MAP2K6: variants seen among roughly 807,000 people sequenced by gnomAD.
MAP2K6 encodes dual specificity mitogen-activated protein kinase kinase 6.
Under a neutral mutation model 53.7 loss-of-function variants are expected in MAP2K6, and 16 were observed. That is an observed-to-expected ratio of 0.30 (90% CI 0.20 to 0.45). MAP2K6 has a LOEUF of 0.45. MAP2K6 is among the 20% of genes least tolerant of loss of function. The pLI, the probability that MAP2K6 is intolerant of heterozygous loss-of-function variation, is 1.00. For missense variants in MAP2K6, 204 were observed against 411.9 expected, an observed-to-expected ratio of 0.50 and a Z score of 4.37; for synonymous variants, 132 against 143.1, an observed-to-expected ratio of 0.92 and a Z score of 0.55.
In MAP2K6 at chr17:69,496,179, A is replaced by ACC. The variant is rs1446225814; in HGVS notation, c.17-9600_17-9599insCC. Among the ~76,000 whole-genome samples the ACC allele has an allele frequency of 1.4e-4, 21 of 152,090 alleles. No individual in the cohort carries two copies. The South Asian group carries it at 3.3e-3, about 24-fold the overall frequency. ...GGGCCATTTCCCAATTAGCGGATGG[A>ACC]CAGGCTGGCTCATTCTTCTTTGACA... On this transcript the variant is annotated intron_variant, in intron 1 of 11. Transcript: ENST00000590474.
At chr17:69,465,061 G>T (rs1235787499) in intron 1 of MAP2K6, among the ~76,000 whole-genome samples, 1 of 151,794 alleles carries the variant, frequency 6.6e-6, no homozygotes, top group Non-Finnish European at 1.5e-5. Flanking sequence ...CATTTTTACA[G>T]ACCCCCACAG....
At chr17:69,540,031 C>T (rs1280144467) in intron 11 of MAP2K6, among the ~76,000 whole-genome samples, 3 of 152,152 alleles carry the variant, frequency 2.0e-5, no homozygotes, top group Admixed American at 6.5e-5. Flanking sequence ...GAGAAAATCT[C>T]TTTTCCATTT....
At chr17:69,474,427 C>T (rs1908072538) in intron 1 of MAP2K6, among the ~76,000 whole-genome samples, 1 of 152,202 alleles carries the variant, frequency 6.6e-6, no homozygotes, top group Non-Finnish European at 1.5e-5. Flanking sequence ...CACTTTTTGA[C>T]TGAGGTGGCT....
In MAP2K6 at chr17:69,553,504, G is replaced by A. The variant is rs1230878696; in HGVS notation, c.*11751G>A. 6 of 152,164 alleles carry A rather than the reference G, an allele frequency of 3.9e-5. No homozygotes were observed. Among genetic ancestry groups the A allele is most frequent in the South Asian group, 4.1e-4 (2 of 4,828 alleles). 9.4% of individuals were successfully genotyped at this position (152,164 alleles called of 1,614,324 possible). A position where few individuals can be genotyped will look rare whatever the true frequency, so the allele number is the denominator to read the frequency against. The stretch of plus-strand genomic sequence containing the variant: ...TCCTCTTTTAATGAGGAACTTTCAC[G>A]TTGACTTCCTATCTCAGGATATTCT... On this transcript the variant is annotated 3_prime_UTR_variant, in exon 12 of 12. Transcript: ENST00000590474.
chr17:69,466,370 C>T (rs1470410466), intron 1 of MAP2K6, among the ~76,000 whole-genome samples: 1 of 151,680 alleles, frequency 6.6e-6, no homozygotes, highest in Non-Finnish European at 1.5e-5. Context: ...TGTCCTTTAT[C>T]TTCCCTTCCT....
chr17:69,454,973 ATTTCAAAGACTTAGTGC>A (rs1323448096), intron 1 of MAP2K6, among the ~76,000 whole-genome samples: 2 of 152,084 alleles, frequency 1.3e-5, no homozygotes, highest in African/African-American at 4.8e-5. Context: ...AATAGGCTAA[ATTTCAAAGACTTAGTGC>A]TTTCTTTCCT....
At chr17:69,477,978 T>C (rs569785105) in intron 1 of MAP2K6, among the ~76,000 whole-genome samples, 18 of 152,270 alleles carry the variant, frequency 1.2e-4, no homozygotes, top group African/African-American at 4.1e-4. Context: ...GTGGTGTGCA[T>C]GTGTTACAGG....
intron 1 of MAP2K6, among the ~76,000 whole-genome samples, chr17:69,447,593 A>T (rs1907014778): frequency 6.6e-6 from 1 of 151,712 alleles, no homozygotes; most frequent in Admixed American, 6.6e-5. Flanking sequence ...TGATGTGCCC[A>T]TCTTGGCCTC....
intron 1 of MAP2K6, among the ~76,000 whole-genome samples, chr17:69,459,054 A>T (rs922403266): frequency 6.6e-6 from 1 of 152,170 alleles, no homozygotes; most frequent in Admixed American, 6.5e-5. Flanking sequence ...AGCCAGAGAG[A>T]AATTGGATCT....
chr17:69,514,179 T>G (rs1369999897), intron 2 of MAP2K6, among the ~76,000 whole-genome samples: 1 of 152,228 alleles, frequency 6.6e-6, no homozygotes, highest in Admixed American at 6.5e-5. Context: ...AGTCACATGT[T>G]TCAAGTCATA....
chr17:69,486,685 A>G (rs1294103395), intron 1 of MAP2K6, among the ~76,000 whole-genome samples: 1 of 152,218 alleles, frequency 6.6e-6, no homozygotes, highest in East Asian at 1.9e-4. Context: ...CTTTTCAAAT[A>G]GTCACTTCAG....
intron 3 of MAP2K6, 103 bp downstream of exon 3, chr17:69,517,006 C>CA (rs35800854): frequency 3.3e-6 from 3 of 914,112 alleles, no homozygotes; most frequent in Non-Finnish European, 5.1e-6. Context: ...GGGGATGAGT[C>CA]AAAAAAAGTT....
intron 11 of MAP2K6, among the ~76,000 whole-genome samples, chr17:69,540,986 G>A (rs1447238924): frequency 1.3e-5 from 2 of 152,108 alleles, no homozygotes; most frequent in African/African-American, 4.8e-5. Flanking sequence ...ACTGCTGGCC[G>A]GGCATGGTGG....
rs1157781490 is a variant in MAP2K6, at chr17:69,464,530, C to T, written c.17-41250C>T. Among the ~76,000 whole-genome samples, 4 of 151,854 alleles carry T rather than the reference C, an allele frequency of 2.6e-5. No individual in the cohort carries two copies. The East Asian group carries it at 5.8e-4, about 22-fold the overall frequency. ...TTGAGTAGCTGGGACTACAGGCGTGCGCCGCCACGCCTGGCTAATTTTTGT... is the reference window on the plus strand; with the variant it reads ...TTGAGTAGCTGGGACTACAGGCGTGTGCCGCCACGCCTGGCTAATTTTTGT... On this transcript the variant is annotated intron_variant, in intron 1 of 11. Coordinates refer to ENST00000590474, the MANE Select transcript of MAP2K6 (RefSeq NM_002758.4).
intron 1 of MAP2K6, among the ~76,000 whole-genome samples, chr17:69,489,631 G>A (rs1043937461): frequency 3.9e-5 from 6 of 152,206 alleles, no homozygotes; most frequent in Non-Finnish European, 7.3e-5. Context: ...TAAGGGTTAC[G>A]TGAGGATCTG....
At chr17:69,529,052 C>G (rs530134210) in intron 10 of MAP2K6, among the ~76,000 whole-genome samples, 1 of 152,040 alleles carries the variant, frequency 6.6e-6, no homozygotes, top group East Asian at 1.9e-4. Flanking sequence ...TTGGTAAGAA[C>G]GAGGCTGGTG....
At chr17:69,435,152 T>C (rs998971425) in intron 1 of MAP2K6, 5 of 152,190 alleles carry the variant, frequency 3.3e-5, no homozygotes, top group African/African-American at 1.2e-4. Flanking sequence ...AACTGACCCA[T>C]GTTTGTTTTC....
intron 1 of MAP2K6, among the ~76,000 whole-genome samples, chr17:69,429,296 A>T (rs1036966146): frequency 1.3e-4 from 19 of 151,912 alleles, no homozygotes; most frequent in African/African-American, 4.1e-4. Context: ...AAAAAAAAAA[A>T]AAAATTAGCC....
chr17:69,529,143 T>C (rs548270963), intron 10 of MAP2K6, among the ~76,000 whole-genome samples: 60 of 152,316 alleles, frequency 3.9e-4, no homozygotes, highest in African/African-American at 1.3e-3. Flanking sequence ...TGCTCATTTA[T>C]AAAACTCTAG....
Sources: allele counts gnomAD v4.1 joint callset (sites outside exome capture counted in the v4.1 genomes callset), GRCh38; gene constraint gnomAD v4.1.1; transcripts MANE v1.5; gene names NCBI Gene and HGNC (gene_info 2026-07-23, HGNC 2026-07-21).